The following MYO16 variants were observed in gnomAD, a reference collection of about 807,000 sequenced individuals.
MYO16 encodes the protein myosin XVI, also known as unconventional myosin-XVI.
MYO16 carries 94 observed loss-of-function variants against 205.3 expected under a neutral mutation model. That is an observed-to-expected ratio of 0.46 (90% CI 0.39 to 0.54). The LOEUF (loss-of-function observed/expected upper bound fraction) is 0.54, where lower values mean the gene tolerates loss of function less well. Among genes scored for constraint, MYO16 ranks in the 20% least tolerant of loss-of-function variants. The pLI is 0.00. For missense variants in MYO16, 2,315 were observed against 2,387.5 expected (o/e 0.97, Z 0.63); for synonymous variants, 988 against 954.0 (o/e 1.04, Z -0.66).
chr13:109,075,781 T>C (rs1424255066), intron 27 of MYO16, among the ~76,000 whole-genome samples: 1 of 152,218 alleles, frequency 6.6e-6, no homozygotes, highest in Non-Finnish European at 1.5e-5. Context: ...TTTCGAGTTC[T>C]TTATATATTC....
intron 4 of MYO16, among the ~76,000 whole-genome samples, chr13:108,746,517 A>C (rs1003968661): frequency 6.6e-6 from 1 of 151,098 alleles, no homozygotes; most frequent in African/African-American, 2.4e-5. Flanking sequence ...AATGGCTAGA[A>C]GATAAGAATT....
At chr13:108,531,930 G>C in the MYO16 span, among the ~76,000 whole-genome samples, 1 of 152,134 alleles carries the variant, frequency 6.6e-6, no homozygotes, top group African/African-American at 2.4e-5. Context: ...CAGAAGGCCC[G>C]GCCTGGTGGC....
intron 13 of MYO16, among the ~76,000 whole-genome samples, chr13:108,885,771 A>G (rs1212104916): frequency 6.6e-6 from 1 of 152,118 alleles, no homozygotes; most frequent in Non-Finnish European, 1.5e-5. Flanking sequence ...TCAGTTTTTG[A>G]AAGCGTGGGT....
In MYO16 at chr13:108,703,210, T is replaced by G. The variant is rs200780015; in HGVS notation, c.293-9451T>G. The stretch of plus-strand genomic sequence containing the variant: ...ATTGGATTCAAAGACACAAATTTGT[T>G]GAAAGTCAAACGTGGGAAATCATAT... On this transcript the variant is annotated intron_variant, in intron 2 of 34. Transcript: ENST00000457511. Among the ~76,000 whole-genome samples, 11 of 152,194 alleles carry G rather than the reference T, an allele frequency of 7.2e-5. No individual in the cohort carries two copies. The East Asian group carries it at 2.1e-3, about 29-fold the overall frequency.
chr13:109,169,708 G>A (rs542961771), intron 33 of MYO16, among the ~76,000 whole-genome samples: 1 of 152,294 alleles, frequency 6.6e-6, no homozygotes, highest in South Asian at 2.1e-4. Context: ...AATGGAATTT[G>A]TAATTGAATG....
intron 9 of MYO16, among the ~76,000 whole-genome samples, chr13:108,834,823 A>C (rs1876817754): frequency 1.3e-5 from 2 of 152,040 alleles, no homozygotes; most frequent in African/African-American, 2.4e-5. Context: ...GCATTTTACT[A>C]TGTGTGTCCT....
Position 108,720,315 on chromosome 13 carries a change from C to T in MYO16, c.364-7125C>T, listed in dbSNP as rs195248. The stretch of plus-strand genomic sequence containing the variant: ...GGTATTGCTGTTGAATAAAAACAAG[C>T]GTATGGAAGTTCCAGAATCATGTTA... On this transcript the variant is annotated intron_variant, in intron 3 of 34. Coordinates refer to ENST00000457511, the MANE Select transcript of MYO16 (RefSeq NM_001198950.3). Among the ~76,000 whole-genome samples the T allele has an allele frequency of 8.7e-3, 1,319 of 152,220 alleles. 12 individuals carry two copies. Among genetic ancestry groups the T allele is most frequent in the African/African-American group, 0.03 (1,234 of 41,516 alleles).
intron 23 of MYO16, among the ~76,000 whole-genome samples, chr13:109,043,500 T>C (rs1333804156): frequency 1.3e-5 from 2 of 152,156 alleles, no homozygotes; most frequent in Non-Finnish European, 2.9e-5. Flanking sequence ...GAAGACTCTA[T>C]ATGACAGAGT....
intron 20 of MYO16, 96 bp downstream of exon 20, chr13:108,964,998 A>G (rs1012028171): frequency 2.4e-6 from 3 of 1,264,052 alleles, no homozygotes; most frequent in Non-Finnish European, 3.3e-6. Context: ...AGGGTAACCA[A>G]TAAGTTAAAC....
chr13:109,127,590 C>A lies in MYO16; in HGVS notation c.4051+40C>A. 6.3e-7 allele frequency: 1 copy of A among 1,591,232 alleles called. No individual in the cohort carries two copies. The highest frequency in any genetic ancestry group is 8.5e-7 in the Non-Finnish European group (1 of 1,173,118). The stretch of plus-strand genomic sequence containing the variant: ...GGGACCCAGCCTCGTGTTCCGGGCT[C>A]GCGCATGCTCTGACTTCGCCTTGGG... On this transcript the variant is annotated intron_variant, in intron 31 of 34. Transcript: ENST00000457511. This position sits in a 1 kb window ranked among gnomAD's most constrained non-coding sequence, Gnocchi z 4.2.
At chr13:108,709,251 T>C (rs1359123227) in intron 2 of MYO16, among the ~76,000 whole-genome samples, 1 of 152,244 alleles carries the variant, frequency 6.6e-6, no homozygotes, top group Non-Finnish European at 1.5e-5. Flanking sequence ...ACAAAGTTGC[T>C]ATGAACCCGT....
chr13:109,143,300 A>G (rs1037004665), intron 32 of MYO16, among the ~76,000 whole-genome samples: 1 of 152,176 alleles, frequency 6.6e-6, no homozygotes, highest in Non-Finnish European at 1.5e-5. Flanking sequence ...TTTAAAAATG[A>G]ATGAATAACC....
chr13:109,171,725 G>A (rs1312865292), intron 33 of MYO16, among the ~76,000 whole-genome samples: 2 of 152,036 alleles, frequency 1.3e-5, no homozygotes, highest in Non-Finnish European at 2.9e-5. Context: ...ATTTTGTGGG[G>A]ACACACAGAT....
intron 1 of MYO16, among the ~76,000 whole-genome samples, chr13:108,642,543 G>A (rs950056095): frequency 4.6e-5 from 7 of 152,074 alleles, no homozygotes; most frequent in Non-Finnish European, 7.4e-5. Flanking sequence ...TCAGCCTCCC[G>A]AGTAGCTGAG....
intron 12 of MYO16, among the ~76,000 whole-genome samples, chr13:108,873,827 G>T (rs1879195042): frequency 1.3e-5 from 2 of 152,252 alleles, no homozygotes; most frequent in Admixed American, 6.5e-5. Flanking sequence ...CAGGGTCCAT[G>T]ATTGTGCTGC....
Position 109,206,723 on chromosome 13 carries a change from G to C in MYO16, c.5530G>C (p.Ala1844Pro). 6.2e-7 allele frequency: 1 copy of C among 1,614,150 alleles called. No homozygotes were observed. The highest frequency in any genetic ancestry group is 8.5e-7 in the Non-Finnish European group (1 of 1,180,010). The part of the protein sequence containing the change: ...GQDWQQILHH[A>P]EPRVPPPPPC... ...AGACTGGCAGCAGATCCTGCACCAC[G>C]CTGAGCCCAGGGTGCCTCCCCCACC... The change falls in exon 35 of 35, where the codon GCT (alanine) becomes CCT (proline). Residue 1844 changes from alanine (A) to proline (P), a missense_variant. By Grantham distance (27) the Ala-to-Pro change is conservative (BLOSUM62 -1). This residue lies in a region of MYO16 where 1,097 missense variants were observed against 1,092.0 expected (regional missense o/e 1.00). Coordinates refer to ENST00000457511, the MANE Select transcript of MYO16 (RefSeq NM_001198950.3).
rs372866565 is a variant in MYO16, at chr13:109,183,437, G to A, written c.5415+3804G>A. On this transcript the variant is annotated intron_variant, in intron 34 of 34. Coordinates refer to ENST00000457511, the MANE Select transcript of MYO16 (RefSeq NM_001198950.3). Reference sequence around the variant, plus strand: ...AGGGGACGCAGAAACAAAAATGCTTGGTACTTGCCCTTGGCATAAAAATTT... The same window carrying A: ...AGGGGACGCAGAAACAAAAATGCTTAGTACTTGCCCTTGGCATAAAAATTT... Among the ~76,000 whole-genome samples, 152 of 152,262 alleles carry A rather than the reference G, an allele frequency of 1.0e-3. No individual in the cohort carries two copies. The South Asian group carries it at 0.028, about 28-fold the overall frequency.
intron 2 of MYO16, among the ~76,000 whole-genome samples, chr13:108,675,127 T>A (rs943987351): frequency 2.0e-5 from 3 of 152,190 alleles, no homozygotes; most frequent in African/African-American, 7.2e-5. Flanking sequence ...AAGAAGTAGC[T>A]CAGATAAGAT....
intron 4 of MYO16, among the ~76,000 whole-genome samples, chr13:108,766,631 C>A (rs9559408): frequency 6.6e-6 from 1 of 152,146 alleles, no homozygotes; most frequent in Non-Finnish European, 1.5e-5. Flanking sequence ...CAAGGCAGAG[C>A]GGGTAAATAG....
Sources: allele counts gnomAD v4.1 joint callset (sites outside exome capture counted in the v4.1 genomes callset), GRCh38; gene constraint gnomAD v4.1.1; regional missense constraint gnomAD v4.1.1; non-coding constraint Gnocchi (gnomAD v3.1); transcripts MANE v1.5; gene names NCBI Gene and HGNC (gene_info 2026-07-23, HGNC 2026-07-21).